The following DLAT variants were observed in gnomAD, a reference collection of about 807,000 sequenced individuals.
DLAT encodes the protein dihydrolipoamide S-acetyltransferase, also known as dihydrolipoyllysine-residue acetyltransferase component of pyruvate dehydrogenase complex, mitochondrial.
A neutral mutation model predicts 68.0 loss-of-function variants in DLAT; 43 were observed. The ratio of observed to expected loss-of-function variants is 0.63; its 90% CI spans 0.50 to 0.81. The LOEUF is 0.81. DLAT is among the 40% of genes least tolerant of loss of function. The pLI is 0.00. For synonymous variants in DLAT, 265 were observed against 288.6 expected (o/e 0.92, Z 0.83); for missense variants, 745 against 815.4 (o/e 0.91, Z 1.05).
chr11:112,062,003 A>G (rs1175604454), intron 13 of DLAT, among the ~76,000 whole-genome samples: 3 of 152,180 alleles, frequency 2.0e-5, no homozygotes, highest in African/African-American at 7.2e-5. Flanking sequence ...AGTTAGTCCT[A>G]TTTGAGGTGG....
intron 10 of DLAT, 91 bp downstream of exon 10, chr11:112,046,061 C>A (rs754915297): frequency 1.3e-6 from 1 of 750,612 alleles, no homozygotes. Flanking sequence ...TATTTTGTTA[C>A]AATATATCAG....
chr11:112,039,331 G>C lies in DLAT; in HGVS notation c.1063G>C (p.Val355Leu). 1 of 1,614,130 alleles carries C rather than the reference G, an allele frequency of 6.2e-7. No individual in the cohort carries two copies. Among genetic ancestry groups the C allele is most frequent in the Non-Finnish European group, 8.5e-7 (1 of 1,180,012 alleles). ...PATPAGPKGR[V>L]FVSPLAKKLA... ...TACTCCTGCTGGACCAAAGGGAAGGGTGTTTGTTAGCCCTCTTGCAAAGAA... is the reference window on the plus strand; with the variant it reads ...TACTCCTGCTGGACCAAAGGGAAGGCTGTTTGTTAGCCCTCTTGCAAAGAA... Residue 355 changes from valine to leucine, a missense_variant, in exon 7 of 14, where the codon GTG becomes CTG. Transcript: ENST00000280346.
At chr11:112,045,832 T>C (rs1053335812) in intron 9 of DLAT, 31 bp from the exon 10 acceptor site, 1 of 1,417,952 alleles carries the variant, frequency 7.1e-7, no homozygotes. Context: ...TAACTCAAGA[T>C]AATTGATTTT....
Position 112,026,304 on chromosome 11 carries a change from G to GTTTTT in DLAT, c.381+18_381+22dup. On this transcript the variant is annotated splice_donor_region_variant and intron_variant, in intron 2 of 13. Coordinates refer to ENST00000280346, the MANE Select transcript of DLAT (RefSeq NM_001931.5). ...GAAGGTGACCTAATTGCAGAGGTAAGTTTTTTTTTTTTTTTTTAATTAATT... is the reference window on the plus strand; with the variant it reads ...GAAGGTGACCTAATTGCAGAGGTAAGTTTTTTTTTTTTTTTTTTTTTTAATTAATT... The GTTTTT allele has an allele frequency of 1.3e-5, 14 of 1,038,444 alleles. No individual in the cohort carries two copies. Among genetic ancestry groups the GTTTTT allele is most frequent in the South Asian group, 6.2e-5 (3 of 48,524 alleles). 64.3% of individuals were successfully genotyped at this position (1,038,444 alleles called of 1,614,324 possible).
At chr11:112,033,152 C>T (rs1384515428) in intron 4 of DLAT, among the ~76,000 whole-genome samples, 2 of 152,154 alleles carry the variant, frequency 1.3e-5, no homozygotes, top group African/African-American at 4.8e-5. Context: ...AGAAATCTTT[C>T]CCATGTGCTT....
chr11:112,058,051 A>G (rs1159250467), intron 11 of DLAT, among the ~76,000 whole-genome samples: 1 of 152,190 alleles, frequency 6.6e-6, no homozygotes, highest in African/African-American at 2.4e-5. Context: ...GTGGTCTGGA[A>G]CTGAACCTGG....
rs587639690 is a variant in DLAT at position 112,062,661 on chromosome 11, A to G, written c.*126A>G. On this transcript the variant is annotated 3_prime_UTR_variant, in exon 14 of 14. Coordinates refer to ENST00000280346, the MANE Select transcript of DLAT (RefSeq NM_001931.5). ...TATTTTTATTATTGAGTCTGTCCAG[A>G]TAAGTTATTTATAATGGGCATTACT... 42 of 1,161,326 alleles carry G rather than the reference A, an allele frequency of 3.6e-5. 1 individual carries two copies. The South Asian group carries it at 5.2e-4, about 14-fold the overall frequency. The allele number at this position is 1,161,326 out of a possible 1,614,324, so 71.9% of individuals were successfully genotyped here.
Position 112,025,550 on chromosome 11 carries a change from G to A in DLAT, c.78G>A (p.Gln26=), listed in dbSNP as rs200888235. Reference sequence around the variant, plus strand: ...TCGAGGCTCGGTGGACGGCCTTGCAGGAGGTACCCGGAACTCCACGAGTGA... The same window carrying A: ...TCGAGGCTCGGTGGACGGCCTTGCAAGAGGTACCCGGAACTCCACGAGTGA... ...AGLEARWTAL[Q]EVPGTPRVTS... Residue 26 remains glutamine, a synonymous_variant, in exon 1 of 14, where the codon CAG becomes CAA. Transcript: ENST00000280346. The A allele has an allele frequency of 1.2e-5, 19 of 1,613,972 alleles. No individual in the cohort carries two copies. The East Asian group carries it at 4.2e-4, about 36-fold the overall frequency.
intron 5 of DLAT, among the ~76,000 whole-genome samples, chr11:112,036,197 GTGTGTTTTTTTTTTTTTT>G (rs1862748383): frequency 1.7e-5 from 1 of 59,568 alleles, no homozygotes; most frequent in Non-Finnish European, 3.2e-5. Context: ...GTGTGTGTGT[GTGTGTTTTTTTTTTTTTT>G]TTTTTTTTTT....
chr11:112,034,417 A>G (rs1336824019), intron 5 of DLAT, among the ~76,000 whole-genome samples: 1 of 151,808 alleles, frequency 6.6e-6, no homozygotes, highest in Non-Finnish European at 1.5e-5. Context: ...AAAAAAACCC[A>G]TATAGACAAT....
chr11:112,048,088 C>T (rs1863419065), intron 10 of DLAT, among the ~76,000 whole-genome samples: 2 of 152,190 alleles, frequency 1.3e-5, no homozygotes, highest in Non-Finnish European at 2.9e-5. Context: ...TTGATTCTTC[C>T]TATGCATGAG....
intron 11 of DLAT, among the ~76,000 whole-genome samples, chr11:112,059,403 A>G (rs1313057211): frequency 2.8e-5 from 4 of 140,616 alleles, no homozygotes; most frequent in African/African-American, 1.1e-4. Flanking sequence ...GGGCAGGGGC[A>G]GCGTTGGGGG....
At chr11:112,027,144 G>C (rs587712423) in intron 2 of DLAT, among the ~76,000 whole-genome samples, 2 of 151,498 alleles carry the variant, frequency 1.3e-5, no homozygotes, top group East Asian at 1.9e-4. Context: ...CTTCTCAGAC[G>C]GGGTGGCTGC....
At chr11:112,061,577 TTTTG>T (rs587755288) in intron 13 of DLAT, 175 of 197,082 alleles carry the variant, frequency 8.9e-4, no homozygotes, top group African/African-American at 3.9e-3. Flanking sequence ...TCAGTGTTTT[TTTTG>T]TTTGTTTGTT....
chr11:112,055,319 C>A (rs1470013250), intron 11 of DLAT, among the ~76,000 whole-genome samples: 1 of 143,436 alleles, frequency 7.0e-6, no homozygotes, highest in East Asian at 2.2e-4. Flanking sequence ...TCTCGGCTCA[C>A]TGCAACCTCC....
intron 4 of DLAT, among the ~76,000 whole-genome samples, chr11:112,032,008 G>C (rs1198958326): frequency 6.8e-6 from 1 of 147,808 alleles, no homozygotes; most frequent in Non-Finnish European, 1.5e-5. Context: ...AGCCTCCTGA[G>C]TAGCTGGGAC....
chr11:112,034,004 G>A (rs587769117), intron 5 of DLAT, among the ~76,000 whole-genome samples: 1 of 152,282 alleles, frequency 6.6e-6, no homozygotes, highest in South Asian at 2.1e-4. Context: ...GACTCCAAGC[G>A]TGAGCCCCTG....
At position 112,064,157 on chromosome 11, in the gene DLAT, G is replaced by T; in HGVS notation, c.*1622G>T. Reference sequence around the variant, plus strand: ...ACCATCATCAATATGATCCAAATCTGGTTCAAACATTCAAAACTTCAAAGA... The same window carrying T: ...ACCATCATCAATATGATCCAAATCTTGTTCAAACATTCAAAACTTCAAAGA... On this transcript the variant is annotated 3_prime_UTR_variant, in exon 14 of 14. Transcript: ENST00000280346. The T allele has an allele frequency of 6.4e-7, 1 of 1,557,162 alleles. No individual in the cohort carries two copies. The highest frequency in any genetic ancestry group is 8.7e-7 in the Non-Finnish European group (1 of 1,150,228).
chr11:112,027,928 G>GGAGA (rs1183549158), intron 2 of DLAT, among the ~76,000 whole-genome samples: 3 of 151,978 alleles, frequency 2.0e-5, no homozygotes, highest in African/African-American at 7.2e-5. Context: ...AGAGGGAGAG[G>GGAGA]GAGACGGAGA....
Sources: allele counts gnomAD v4.1 joint callset (sites outside exome capture counted in the v4.1 genomes callset), GRCh38; gene constraint gnomAD v4.1.1; transcripts MANE v1.5; gene names NCBI Gene and HGNC (gene_info 2026-07-23, HGNC 2026-07-21).